Variants in FIBCD1 observed in about 807,000 individuals in gnomAD.
The protein encoded by FIBCD1 is fibrinogen C domain-containing protein 1.
A neutral mutation model predicts 45.1 loss-of-function variants in FIBCD1; 47 were observed. That is an observed-to-expected ratio of 1.04 (90% CI 0.82 to 1.33). The LOEUF is 1.33. FIBCD1 is among the 40% of genes most tolerant of loss of function. The pLI, the probability that FIBCD1 is intolerant of heterozygous loss-of-function variation, is 0.00. For synonymous variants in FIBCD1, 313 were observed against 308.1 expected (o/e 1.02, Z -0.17); for missense variants, 653 against 682.2 (o/e 0.96, Z 0.48).
At chr9:130,925,717 T>A (rs1414404087) in intron 2 of FIBCD1, among the ~76,000 whole-genome samples, 1 of 151,968 alleles carries the variant, frequency 6.6e-6, no homozygotes, top group Non-Finnish European at 1.5e-5. Context: ...GGGTCTGAGG[T>A]CTCTTGCCCC....
intron 4 of FIBCD1, among the ~76,000 whole-genome samples, chr9:130,918,473 A>ATGT: frequency 6.6e-6 from 1 of 152,214 alleles, no homozygotes; most frequent in Non-Finnish European, 1.5e-5. Context: ...CTAGACTGTG[A>ATGT]TGAAACTGCT....
At chr9:130,906,322 T>G (rs950668047) in intron 5 of FIBCD1, among the ~76,000 whole-genome samples, 8 of 152,162 alleles carry the variant, frequency 5.3e-5, no homozygotes, top group Admixed American at 2.6e-4. Flanking sequence ...CACAAGTTAG[T>G]AGCAGCGAGT....
intron 4 of FIBCD1, among the ~76,000 whole-genome samples, chr9:130,917,441 G>C (rs1832184864): frequency 6.8e-6 from 1 of 148,024 alleles, no homozygotes. Flanking sequence ...AGGAGTGACG[G>C]CTCTGGACAT....
chr9:130,920,451 A>G (rs1241566127), intron 4 of FIBCD1, among the ~76,000 whole-genome samples: 3 of 152,124 alleles, frequency 2.0e-5, no homozygotes, highest in Non-Finnish European at 4.4e-5. Context: ...TTTACAGATG[A>G]GAAAAGCGAG....
intron 5 of FIBCD1, among the ~76,000 whole-genome samples, chr9:130,911,272 C>T (rs941633954): frequency 5.3e-5 from 8 of 152,136 alleles, no homozygotes; most frequent in African/African-American, 1.7e-4. Context: ...AGGCGCGCTA[C>T]CTTAAGAGCT....
chr9:130,910,484 G>C (rs1832016879), intron 5 of FIBCD1, among the ~76,000 whole-genome samples: 1 of 152,240 alleles, frequency 6.6e-6, no homozygotes, highest in Non-Finnish European at 1.5e-5. Flanking sequence ...GTCCCATCGA[G>C]CACCCAAGGG....
intron 4 of FIBCD1, among the ~76,000 whole-genome samples, chr9:130,916,769 C>T (rs1832167900): frequency 6.6e-6 from 1 of 152,220 alleles, no homozygotes; most frequent in Non-Finnish European, 1.5e-5. Flanking sequence ...CTTCTTTCTG[C>T]CCCACCCACC....
In FIBCD1 at chr9:130,911,163, C is replaced by T. The variant is rs57403463; in HGVS notation, c.946+629G>A. 2.3e-3 allele frequency among the ~76,000 whole-genome samples: 347 copies of T among 152,280 alleles called. 4 individuals carry two copies. Among genetic ancestry groups the T allele is most frequent in the African/African-American group, 7.9e-3 (327 of 41,552 alleles). On this transcript the variant is annotated intron_variant, in intron 5 of 6. Transcript: ENST00000372338. ...TGCTTTTATGAGCTGCAACACTCAC[C>T]GTGAAGGTCTGCAGTTTCACTCCTG... is the stretch of plus-strand genomic sequence containing the variant.
At chr9:130,939,444 C>G (rs1832579620), upstream of FIBCD1, among the ~76,000 whole-genome samples, 1 of 152,166 alleles carries the variant, frequency 6.6e-6, no homozygotes, top group Non-Finnish European at 1.5e-5. Flanking sequence ...GTCTCCAGCC[C>G]CCGGGGACCT....
chr9:130,930,442 A>AC, intron 1 of FIBCD1, among the ~76,000 whole-genome samples: 1 of 151,596 alleles, frequency 6.6e-6, no homozygotes, highest in Non-Finnish European at 1.5e-5. Context: ...ACATGGGGAG[A>AC]TGCGGGGAGA....
chr9:130,910,042 C>T (rs1207327927), intron 5 of FIBCD1, among the ~76,000 whole-genome samples: 1 of 152,256 alleles, frequency 6.6e-6, no homozygotes, highest in African/African-American at 2.4e-5. Context: ...CCCTTCAGCC[C>T]ACCGCTGCGC....
chr9:130,927,721 T>A (rs774987498), intron 2 of FIBCD1, among the ~76,000 whole-genome samples: 2 of 152,172 alleles, frequency 1.3e-5, no homozygotes, highest in Non-Finnish European at 2.9e-5. Flanking sequence ...CAGGCTGGAG[T>A]GCAGTGGCGT....
chr9:130,924,033 C>T (rs1187226312), intron 3 of FIBCD1, among the ~76,000 whole-genome samples, 153 bp from the exon 4 acceptor site: 2 of 152,236 alleles, frequency 1.3e-5, no homozygotes. Flanking sequence ...CTGCCACTCC[C>T]TGCTGTGGCT....
In FIBCD1 at chr9:130,929,833, G is replaced by T. The variant is rs1410592358; in HGVS notation, c.286C>A (p.Pro96Thr). The T allele has an allele frequency of 3.4e-5, 52 of 1,549,960 alleles. No individual in the cohort carries two copies. Among genetic ancestry groups the T allele is most frequent in the Non-Finnish European group, 4.3e-5 (49 of 1,146,784 alleles). ...CTGTCGGTGAGGTCGGGGCAGCGCG[G>T]GTCAATGAGGATGCTGAGGTGCGAG... ...DSSHLSILID[P>T]RCPDLTDSFA... The change falls in exon 2 of 7, where the codon CCG (proline) becomes ACG (threonine). Residue 96 changes from proline (P) to threonine (T), a missense_variant. Physicochemically the swap from Pro to Thr is conservative, Grantham distance 38. Coordinates refer to ENST00000372338, the MANE Select transcript of FIBCD1 (RefSeq NM_032843.5).
upstream of FIBCD1, chr9:130,939,355 G>C (rs1025603474): frequency 6.6e-6 from 1 of 152,230 alleles, no homozygotes; most frequent in Admixed American, 6.5e-5. Context: ...TGCGCCGGGG[G>C]CAGTTTCGGT....
intron 1 of FIBCD1, chr9:130,930,627 T>C: frequency 4.9e-6 from 2 of 407,260 alleles, no homozygotes; most frequent in Non-Finnish European, 1.0e-5. Flanking sequence ...CACGGTCACC[T>C]GTGTGTGTGG....
rs1306386265 is a variant in FIBCD1 at position 130,929,819 on chromosome 9, G to T, written c.300C>A (p.Asp100Glu). Residue 100 changes from aspartate to glutamate, a missense_variant, in exon 2 of 7, where the codon GAC becomes GAA. Coordinates refer to ENST00000372338, the MANE Select transcript of FIBCD1 (RefSeq NM_032843.5). Reference protein sequence around the residue: ...LSILIDPRCPDLTDSFARLES... With the variant: ...LSILIDPRCPELTDSFARLES... ...CCAGGCGTGCGAAGCTGTCGGTGAG[G>T]TCGGGGCAGCGCGGGTCAATGAGGA... The T allele has an allele frequency of 1.5e-5, 23 of 1,550,594 alleles. 1 individual carries two copies. In the East Asian group the frequency reaches 5.6e-4, roughly 38 times the overall value.
At position 130,925,426 on chromosome 9, in the gene FIBCD1, T is replaced by C. The variant is rs181540360; in HGVS notation, c.553-1030A>G. On this transcript the variant is annotated intron_variant, in intron 2 of 6. Transcript: ENST00000372338. ...GGGGCGGTGGTTTGGACCCAGGTTC[T>C]GGTGTTGACTGTCTGTGTTTTGACT... 2.8e-4 allele frequency among the ~76,000 whole-genome samples: 43 copies of C among 152,242 alleles called. No individual in the cohort carries two copies. The East Asian group carries it at 8.3e-3, about 29-fold the overall frequency.
At chr9:130,918,706 C>T (rs1832206339) in intron 4 of FIBCD1, among the ~76,000 whole-genome samples, 1 of 152,186 alleles carries the variant, frequency 6.6e-6, no homozygotes, top group East Asian at 1.9e-4. Context: ...CTGGCTTTCC[C>T]TTAACTCCTT....
Sources: allele counts gnomAD v4.1 joint callset (sites outside exome capture counted in the v4.1 genomes callset), GRCh38; gene constraint gnomAD v4.1.1; transcripts MANE v1.5; gene names NCBI Gene and HGNC (gene_info 2026-07-23, HGNC 2026-07-21).